LRBA: variants seen among roughly 807,000 people sequenced by gnomAD.
LRBA encodes the protein lipopolysaccharide-responsive and beige-like anchor protein.
Under a neutral mutation model 330.0 loss-of-function variants are expected in LRBA, and 176 were observed. The ratio of observed to expected loss-of-function variants is 0.53; its 90% CI spans 0.47 to 0.60. LRBA has a LOEUF of 0.60. LRBA is among the 20% of genes least tolerant of loss of function. LRBA has a pLI of 0.00. For synonymous variants in LRBA, 1,230 were observed against 1,193.0 expected (o/e 1.03, Z -0.64); for missense variants, 3,259 against 3,444.8 (o/e 0.95, Z 1.35).
intron 5 of LRBA, among the ~76,000 whole-genome samples, chr4:150,918,279 G>A (rs1267404218): frequency 6.6e-6 from 1 of 152,194 alleles, no homozygotes; most frequent in East Asian, 1.9e-4. Flanking sequence ...AAAAGGACAA[G>A]TAAAATTTTA....
intron 2 of LRBA, among the ~76,000 whole-genome samples, chr4:150,946,975 T>C (rs1349938213): frequency 6.6e-6 from 1 of 151,702 alleles, no homozygotes; most frequent in African/African-American, 2.4e-5. Flanking sequence ...TGTGACAACT[T>C]AGAGGAAATG....
At chr4:150,642,660 C>A (rs1460421266) in intron 37 of LRBA, among the ~76,000 whole-genome samples, 1 of 151,788 alleles carries the variant, frequency 6.6e-6, no homozygotes, top group Non-Finnish European at 1.5e-5. Flanking sequence ...TTTTACTCTG[C>A]ATATAATATA....
At chr4:150,515,423 T>TA (rs1213864141) in intron 40 of LRBA, among the ~76,000 whole-genome samples, 2 of 152,184 alleles carry the variant, frequency 1.3e-5, no homozygotes, top group Non-Finnish European at 2.9e-5. Flanking sequence ...AAAGACTTTT[T>TA]ACCAGAAACC....
chr4:150,510,350 A>G (rs1761686310), intron 40 of LRBA, among the ~76,000 whole-genome samples: 1 of 152,184 alleles, frequency 6.6e-6, no homozygotes, highest in East Asian at 1.9e-4. Context: ...AAGAGGAAAG[A>G]ATACGTGCCA....
intron 44 of LRBA, among the ~76,000 whole-genome samples, chr4:150,461,293 A>G (rs532204387): frequency 6.6e-6 from 1 of 151,962 alleles, no homozygotes; most frequent in South Asian, 2.1e-4. Flanking sequence ...AGAGTTTCTC[A>G]AACTTTCTGG....
intron 36 of LRBA, among the ~76,000 whole-genome samples, chr4:150,710,475 A>G (rs1420477699): frequency 1.3e-5 from 2 of 152,114 alleles, no homozygotes; most frequent in Non-Finnish European, 2.9e-5. Context: ...AAAGTTTTAG[A>G]TAATAAACAA....
chr4:150,960,234 G>C lies in LRBA; in HGVS notation c.217-31169C>G, dbSNP rs1737995950. ...AACAGCTGATAACATTATAAAAAGA[G>C]ACAACCTGACATAAGAGCCTCCGGA... On this transcript the variant is annotated intron_variant, in intron 2 of 56. Transcript: ENST00000651943. Among the ~76,000 whole-genome samples, 2 of 148,794 alleles carry C rather than the reference G, an allele frequency of 1.3e-5. 1 individual carries two copies. The highest frequency in any genetic ancestry group is 5.2e-5 in the African/African-American group (2 of 38,352).
chr4:150,970,556 T>TGTACAC (rs1166996824), intron 2 of LRBA: 15 of 41,680 alleles, frequency 3.6e-4, no homozygotes, highest in South Asian at 3.0e-3. Flanking sequence ...TGTGTGTGTG[T>TGTACAC]ACACACACAC....
At chr4:150,642,343 A>G (rs1778763481) in intron 37 of LRBA, among the ~76,000 whole-genome samples, 4 of 151,962 alleles carry the variant, frequency 2.6e-5, no homozygotes. Flanking sequence ...AAAAAGAAAG[A>G]TAAAGATAAG....
intron 47 of LRBA, among the ~76,000 whole-genome samples, chr4:150,383,598 T>G (rs979910065): frequency 5.9e-5 from 9 of 152,136 alleles, no homozygotes; most frequent in African/African-American, 1.9e-4. Context: ...TTTGAGAACA[T>G]AAAGTGTTTT....
chr4:150,965,564 G>T (rs1416976383), intron 2 of LRBA, among the ~76,000 whole-genome samples: 2 of 152,170 alleles, frequency 1.3e-5, no homozygotes, highest in South Asian at 4.1e-4. Context: ...TTGAGACAGG[G>T]TCTCACTCTG....
At chr4:150,357,139 G>C (rs1475291977) in intron 47 of LRBA, among the ~76,000 whole-genome samples, 5 of 151,894 alleles carry the variant, frequency 3.3e-5, no homozygotes, top group Non-Finnish European at 7.4e-5. Context: ...TGAACTGTTG[G>C]GCAGAAGAGA....
intron 40 of LRBA, among the ~76,000 whole-genome samples, chr4:150,547,781 C>T (rs778504451): frequency 2.0e-5 from 3 of 152,080 alleles, no homozygotes; most frequent in Non-Finnish European, 4.4e-5. Context: ...TGTGGCTCTC[C>T]TAAATTCATC....
At chr4:150,489,156 TATATA>T (rs1461839549) in intron 41 of LRBA, among the ~76,000 whole-genome samples, 2 of 121,436 alleles carry the variant, frequency 1.6e-5, no homozygotes, top group Non-Finnish European at 3.2e-5. Context: ...TATATCAGAA[TATATA>T]ATATATTATA....
intron 46 of LRBA, among the ~76,000 whole-genome samples, chr4:150,433,900 C>T (rs1750754133): frequency 6.6e-6 from 1 of 151,928 alleles, no homozygotes; most frequent in Non-Finnish European, 1.5e-5. Flanking sequence ...ATAGATGTCC[C>T]AATAAAAGAT....
intron 37 of LRBA, among the ~76,000 whole-genome samples, chr4:150,623,909 GGTTA>G (rs1017778483): frequency 1.3e-5 from 2 of 151,936 alleles, no homozygotes; most frequent in African/African-American, 4.8e-5. Context: ...ACAATGTGCA[GGTTA>G]GTTACATATG....
At chr4:150,402,067 A>T (rs2151929637) in intron 47 of LRBA, among the ~76,000 whole-genome samples, 1 of 151,900 alleles carries the variant, frequency 6.6e-6, no homozygotes, top group South Asian at 2.1e-4. Context: ...GAGACGGGCA[A>T]ATCATAAGGT....
rs188827026 is a variant in LRBA, at chr4:150,645,370, A to T, written c.5921+38181T>A. ...TTTACACTGCAGTAAAGTCATTTAG[A>T]TGACAACACTGTTTGAATCACAAGT... On this transcript the variant is annotated intron_variant, in intron 37 of 56. Coordinates refer to ENST00000651943, the MANE Select transcript of LRBA (RefSeq NM_001364905.1). Among the ~76,000 whole-genome samples, 61 of 152,056 alleles carry T rather than the reference A, an allele frequency of 4.0e-4. 1 individual carries two copies. The East Asian group carries it at 8.1e-3, about 20-fold the overall frequency.
At chr4:150,584,201 C>T in intron 40 of LRBA, 1 of 1,357,298 alleles carries the variant, frequency 7.4e-7, no homozygotes, top group African/African-American at 1.5e-5. Flanking sequence ...TGGACACAAA[C>T]TTTTATGTAA....
Sources: gnomAD v4.1 joint callset for allele counts (sites outside exome capture counted in the v4.1 genomes callset) on GRCh38, gnomAD v4.1.1 for gene constraint, MANE v1.5 for transcripts, NCBI Gene and HGNC (gene_info 2026-07-23, HGNC 2026-07-21) for gene names.